EPHA6: variants seen among roughly 807,000 people sequenced by gnomAD.
EPHA6 encodes ephrin type-A receptor 6.
Under a neutral mutation model 112.0 loss-of-function variants are expected in EPHA6, and 50 were observed. The ratio of observed to expected loss-of-function variants is 0.45; its 90% confidence interval spans 0.36 to 0.56. The LOEUF is 0.56. Among genes scored for constraint, EPHA6 ranks in the 20% least tolerant of loss-of-function variants. The probability of loss-of-function intolerance (pLI) is 0.00; values close to 1 mark genes in which losing one functional copy is unlikely to be tolerated. For missense variants in EPHA6, 1,280 were observed against 1,417.4 expected, an observed-to-expected ratio of 0.90 and a Z score of 1.56; for synonymous variants, 529 against 490.7, an observed-to-expected ratio of 1.08 and a Z score of -1.03.
At chr3:97,471,432 G>A (rs2091225325) in intron 7 of EPHA6, among the ~76,000 whole-genome samples, 1 of 151,664 alleles carries the variant, frequency 6.6e-6, no homozygotes, top group Admixed American at 6.6e-5. Flanking sequence ...TATACCCTGT[G>A]TCTATGTTAG....
intron 2 of EPHA6, among the ~76,000 whole-genome samples, chr3:96,900,645 TC>T (rs1202942461): frequency 6.6e-6 from 1 of 152,184 alleles, no homozygotes; most frequent in Non-Finnish European, 1.5e-5. Flanking sequence ...ATTTTGGAAA[TC>T]CCTTATTATC....
chr3:97,242,879 TA>T (rs2078887991), intron 4 of EPHA6, among the ~76,000 whole-genome samples: 1 of 151,836 alleles, frequency 6.6e-6, no homozygotes, highest in Non-Finnish European at 1.5e-5. Flanking sequence ...TATAGTATAT[TA>T]TTTTTCTAAA....
intron 15 of EPHA6, among the ~76,000 whole-genome samples, chr3:97,726,090 A>G (rs2034755089): frequency 6.6e-6 from 1 of 152,096 alleles, no homozygotes; most frequent in South Asian, 2.1e-4. Context: ...ATTTTATATT[A>G]TTAGCTCATT....
At chr3:97,658,682 C>T (rs2094151303) in intron 14 of EPHA6, among the ~76,000 whole-genome samples, 1 of 151,824 alleles carries the variant, frequency 6.6e-6, no homozygotes, top group Non-Finnish European at 1.5e-5. Context: ...CTAGAATATC[C>T]CCCTTGTTCG....
chr3:97,405,180 A>G lies in EPHA6; in HGVS notation c.1637A>G (p.Asp546Gly). 1 of 1,603,956 alleles carries G rather than the reference A, an allele frequency of 6.2e-7. No homozygotes were observed. The highest frequency in any genetic ancestry group is 8.5e-7 in the Non-Finnish European group (1 of 1,174,362). Residue 546 changes from aspartate (D) to glycine (G), a missense_variant, in exon 6 of 18, where the codon GAC (aspartate) becomes GGC (glycine). Around this residue, in one of 4 missense-constraint regions of EPHA6, gnomAD observed 878 missense variants for 999.7 expected, o/e 0.88. Coordinates refer to ENST00000389672, the MANE Select transcript of EPHA6 (RefSeq NM_001080448.3). ...APSLIGVVRK[D>G]WASQNSIALS... ...TCCCTGATAGGTGTGGTAAGGAAGG[A>G]CTGGGCATCCCAAAATAGCATTGCC...
At chr3:96,844,824 A>G (rs1365743648) in intron 1 of EPHA6, among the ~76,000 whole-genome samples, 4 of 151,992 alleles carry the variant, frequency 2.6e-5, no homozygotes, top group African/African-American at 9.7e-5. Flanking sequence ...GAAGGGAAAT[A>G]CAGCTGAAAT....
intron 14 of EPHA6, among the ~76,000 whole-genome samples, chr3:97,642,168 C>A (rs1253009370): frequency 1.7e-4 from 19 of 112,698 alleles, no homozygotes; most frequent in African/African-American, 3.4e-4. Flanking sequence ...AGGCACCCCC[C>A]AGCAGGGGCA....
At chr3:97,071,299 A>C (rs1055869731) in intron 3 of EPHA6, among the ~76,000 whole-genome samples, 1 of 152,084 alleles carries the variant, frequency 6.6e-6, no homozygotes, top group Non-Finnish European at 1.5e-5. Flanking sequence ...TAAAGATTAC[A>C]TGGGTTGACT....
At chr3:97,054,566 A>G (rs1436032207) in intron 3 of EPHA6, among the ~76,000 whole-genome samples, 1 of 152,142 alleles carries the variant, frequency 6.6e-6, no homozygotes, top group Non-Finnish European at 1.5e-5. Flanking sequence ...CTGCTTAAAT[A>G]AGGAGAGGAA....
At position 97,623,483 on chromosome 3, in the gene EPHA6, T is replaced by C. The variant is rs554485986; in HGVS notation, c.2574+12629T>C. ...ATAATTAATAAATAATAGAAATTTA[T>C]TTCTCACAGTTCTGGAAGCTGAGAA... On this transcript the variant is annotated intron_variant, in intron 13 of 17. Transcript: ENST00000389672. Among the ~76,000 whole-genome samples the C allele has an allele frequency of 3.3e-5, 5 of 151,812 alleles. No individual in the cohort carries two copies. The East Asian group carries it at 5.8e-4, about 18-fold the overall frequency.
At chr3:97,343,124 C>T (rs1431926284) in intron 5 of EPHA6, among the ~76,000 whole-genome samples, 2 of 152,184 alleles carry the variant, frequency 1.3e-5, no homozygotes, top group Non-Finnish European at 2.9e-5. Flanking sequence ...TAGAGAAAGC[C>T]TCTGTCATCT....
At chr3:97,296,865 T>C (rs1036500008) in intron 5 of EPHA6, among the ~76,000 whole-genome samples, 6 of 152,066 alleles carry the variant, frequency 3.9e-5, no homozygotes, top group African/African-American at 1.4e-4. Flanking sequence ...CCCAACTGGG[T>C]CCAAGCAGCA....
At chr3:96,930,992 CAAAAAAAAAAAA>C (rs754917681) in intron 2 of EPHA6, among the ~76,000 whole-genome samples, 3 of 34,762 alleles carry the variant, frequency 8.6e-5, no homozygotes, top group Admixed American at 4.0e-4. Context: ...ACTCTGTCTC[CAAAAAAAAAAAA>C]AAAAAAAAAA....
chr3:97,530,052 T>G (rs2092678377), intron 10 of EPHA6, among the ~76,000 whole-genome samples: 1 of 151,934 alleles, frequency 6.6e-6, no homozygotes, highest in South Asian at 2.1e-4. Context: ...TTACTGGATT[T>G]TTATCCATAC....
At chr3:97,494,677 G>C (rs2091932051) in intron 10 of EPHA6, among the ~76,000 whole-genome samples, 1 of 151,734 alleles carries the variant, frequency 6.6e-6, no homozygotes, top group African/African-American at 2.4e-5. Context: ...ATAAATCCAG[G>C]ATATTTGTGA....
At chr3:97,497,232 C>T (rs150416765) in intron 10 of EPHA6, among the ~76,000 whole-genome samples, 49 of 152,328 alleles carry the variant, frequency 3.2e-4, no homozygotes, top group South Asian at 6.2e-4. Flanking sequence ...TCTTCAATTG[C>T]ATCTCCACCA....
intron 5 of EPHA6, among the ~76,000 whole-genome samples, chr3:97,381,820 A>AT (rs1179566484): frequency 2.6e-5 from 4 of 152,088 alleles, no homozygotes; most frequent in African/African-American, 9.7e-5. Context: ...AGCTGTGATT[A>AT]TTTTTTGGTT....
At chr3:97,125,950 C>G (rs2048171055) in intron 3 of EPHA6, among the ~76,000 whole-genome samples, 1 of 152,074 alleles carries the variant, frequency 6.6e-6, no homozygotes, top group Non-Finnish European at 1.5e-5. Flanking sequence ...GAAATGACTT[C>G]GATCAGAGGC....
At chr3:97,603,207 G>C (rs1576038276) in intron 12 of EPHA6, among the ~76,000 whole-genome samples, 1 of 152,032 alleles carries the variant, frequency 6.6e-6, no homozygotes, top group Non-Finnish European at 1.5e-5. Flanking sequence ...TTTTAGTTAA[G>C]AAGAAACCTT....
Sources: gnomAD v4.1 joint callset for allele counts (sites outside exome capture counted in the v4.1 genomes callset) on GRCh38, gnomAD v4.1.1 for gene constraint, gnomAD v4.1.1 regional missense constraint, MANE v1.5 for transcripts, NCBI Gene and HGNC (gene_info 2026-07-23, HGNC 2026-07-21) for gene names.